Variants in ASIP observed in about 807,000 individuals in gnomAD.
ASIP encodes the protein agouti-signaling protein.
A neutral mutation model predicts 10.3 loss-of-function variants in ASIP; 11 were observed. The ratio of observed to expected loss-of-function variants is 1.07; its 90% CI spans 0.68 to 1.78. The LOEUF (loss-of-function observed/expected upper bound fraction) is 1.78, where lower values mean the gene tolerates loss of function less well. ASIP is among the 40% of genes most tolerant of loss of function. The pLI is 0.00. For synonymous variants in ASIP, 70 were observed against 70.8 expected (o/e 0.99, Z 0.06); for missense variants, 180 against 169.2 (o/e 1.06, Z -0.35).
chr20:34,267,555 G>C (rs1275024439), intron 3 of ASIP, among the ~76,000 whole-genome samples: 2 of 149,670 alleles, frequency 1.3e-5, no homozygotes, highest in Non-Finnish European at 3.0e-5. Context: ...TTTTGAGACA[G>C]AGTTTTGCTC....
At chr20:34,224,845 TTTTCTC>T (rs2035081727) in intron 1 of ASIP, among the ~76,000 whole-genome samples, 1 of 149,592 alleles carries the variant, frequency 6.7e-6, no homozygotes, top group Non-Finnish European at 1.5e-5. Context: ...GACCAAGACT[TTTTCTC>T]TTTCCTTTGA....
intron 1 of ASIP, among the ~76,000 whole-genome samples, chr20:34,200,674 G>T (rs2034886315): frequency 6.6e-6 from 1 of 152,170 alleles, no homozygotes; most frequent in Admixed American, 6.5e-5. Flanking sequence ...CTTGCTTTGG[G>T]GTGCAATTAA....
intron 2 of ASIP, among the ~76,000 whole-genome samples, chr20:34,261,302 C>A (rs2035685468): frequency 1.3e-5 from 2 of 151,868 alleles, no homozygotes; most frequent in Non-Finnish European, 2.9e-5. Context: ...AGTTCAAGAC[C>A]AGACTGAGCG....
intron 3 of ASIP, among the ~76,000 whole-genome samples, chr20:34,263,269 A>C (rs2035726300): frequency 6.6e-6 from 1 of 152,256 alleles, no homozygotes; most frequent in African/African-American, 2.4e-5. Flanking sequence ...ATATTTGTTT[A>C]AAATTAAATC....
At chr20:34,240,112 A>G (rs1370855050), upstream of ASIP, among the ~76,000 whole-genome samples, 1 of 152,216 alleles carries the variant, frequency 6.6e-6, no homozygotes, top group Non-Finnish European at 1.5e-5. Flanking sequence ...GTTTTGAAAG[A>G]AAGCTCATTG....
chr20:34,239,098 A>G (rs189901420), upstream of ASIP, among the ~76,000 whole-genome samples: 33 of 152,294 alleles, frequency 2.2e-4, no homozygotes, highest in African/African-American at 7.2e-4. Context: ...GTCTTTCTCT[A>G]GAAACTTGAT....
At chr20:34,186,798 T>A in the ASIP span, among the ~76,000 whole-genome samples, 11 of 151,506 alleles carry the variant, frequency 7.3e-5, no homozygotes, top group African/African-American at 2.7e-4. Flanking sequence ...CAGCAGTAGG[T>A]TGTTTTTGTT....
chr20:34,196,284 A>G (rs1335873620), intron 1 of ASIP, among the ~76,000 whole-genome samples: 1 of 139,292 alleles, frequency 7.2e-6, no homozygotes, highest in Non-Finnish European at 1.5e-5. Context: ...GGTTCACGCC[A>G]TTCTCCTGCC....
At chr20:34,198,757 G>A (rs2034874581) in intron 1 of ASIP, among the ~76,000 whole-genome samples, 1 of 152,142 alleles carries the variant, frequency 6.6e-6, no homozygotes, top group Non-Finnish European at 1.5e-5. Flanking sequence ...GGGATTACAG[G>A]TCTGAGCCAC....
At chr20:34,220,976 T>TTTC (rs1491051682) in intron 1 of ASIP, among the ~76,000 whole-genome samples, 3 of 148,598 alleles carry the variant, frequency 2.0e-5, no homozygotes, top group Non-Finnish European at 4.5e-5. Context: ...TTTTTTTTTT[T>TTTC]CTTCAGTGAA....
At chr20:34,267,520 T>G (rs2035807984) in intron 3 of ASIP, among the ~76,000 whole-genome samples, 1 of 151,086 alleles carries the variant, frequency 6.6e-6, no homozygotes, top group African/African-American at 2.4e-5. Flanking sequence ...TAAATTTGCT[T>G]ATGGCCACTT....
chr20:34,264,334 C>T (rs1285315313), intron 3 of ASIP, among the ~76,000 whole-genome samples: 2 of 152,140 alleles, frequency 1.3e-5, no homozygotes, highest in South Asian at 2.1e-4. Context: ...TCAGGTGTTG[C>T]GAGTACGTGC....
At chr20:34,247,191 A>G (rs924559223) in intron 1 of ASIP, among the ~76,000 whole-genome samples, 45 of 151,660 alleles carry the variant, frequency 3.0e-4, no homozygotes, top group African/African-American at 1.0e-3. Context: ...TCTCCTAAAT[A>G]GCTATTTTTA....
the ASIP span, among the ~76,000 whole-genome samples, chr20:34,187,725 C>T: frequency 6.6e-6 from 1 of 152,106 alleles, no homozygotes; most frequent in South Asian, 2.1e-4. Context: ...AGGAGTGTTC[C>T]TTGATGGTTT....
upstream of ASIP, among the ~76,000 whole-genome samples, chr20:34,236,458 C>A (rs2035212103): frequency 1.3e-5 from 2 of 151,970 alleles, no homozygotes; most frequent in Non-Finnish European, 2.9e-5. Context: ...GCAGAAGAAT[C>A]GCTTGAATCC....
intron 1 of ASIP, among the ~76,000 whole-genome samples, chr20:34,257,258 T>C (rs2035589929): frequency 6.6e-6 from 1 of 151,966 alleles, no homozygotes; most frequent in African/African-American, 2.4e-5. Flanking sequence ...ACCTGGTTAA[T>C]TTTTGTATTT....
chr20:34,269,287 G>A lies in ASIP; in HGVS notation c.*120G>A, dbSNP rs1335998255. 2 of 1,224,746 alleles carry A rather than the reference G, an allele frequency of 1.6e-6. No homozygotes were observed. The highest frequency in any genetic ancestry group is 2.8e-5 in the East Asian group (1 of 35,514). 75.9% of individuals were successfully genotyped at this position (1,224,746 alleles called of 1,614,324 possible). Reference sequence around the variant, plus strand: ...CAGGCGGGCGGAGGTTCCAGGAGATGGGACTTCAGGGAGACCTGGCTTGGG... The same window carrying A: ...CAGGCGGGCGGAGGTTCCAGGAGATAGGACTTCAGGGAGACCTGGCTTGGG... On this transcript the variant is annotated 3_prime_UTR_variant, in exon 4 of 4. Transcript: ENST00000374954.
intron 1 of ASIP, among the ~76,000 whole-genome samples, chr20:34,247,271 G>A (rs895501666): frequency 4.7e-5 from 7 of 149,580 alleles, no homozygotes; most frequent in South Asian, 2.1e-4. Flanking sequence ...ATCTTATTAC[G>A]AAAGCTATGA....
intron 1 of ASIP, among the ~76,000 whole-genome samples, chr20:34,210,330 C>T (rs984129235): frequency 3.9e-5 from 6 of 152,236 alleles, no homozygotes; most frequent in Admixed American, 3.9e-4. Context: ...CCTGTGACTC[C>T]TGGAGTCTCC....
Sources: allele counts gnomAD v4.1 joint callset (sites outside exome capture counted in the v4.1 genomes callset), GRCh38; gene constraint gnomAD v4.1.1; transcripts MANE v1.5; gene names NCBI Gene and HGNC (gene_info 2026-07-23, HGNC 2026-07-21).